The following CREB3L2 variants were observed in gnomAD, a reference collection of about 807,000 sequenced individuals.
CREB3L2 encodes the protein cyclic AMP-responsive element-binding protein 3-like protein 2.
In CREB3L2, 23 loss-of-function variants were observed where a neutral mutation model predicts 57.2. The ratio of observed to expected loss-of-function variants is 0.40; its 90% CI spans 0.29 to 0.57. The LOEUF (loss-of-function observed/expected upper bound fraction) is 0.57. Among genes scored for constraint, CREB3L2 ranks in the 20% least tolerant of loss-of-function variants. The pLI, the probability that CREB3L2 is intolerant of heterozygous loss-of-function variation, is 0.42. For synonymous variants in CREB3L2, 268 were observed against 265.1 expected (o/e 1.01, Z -0.11); for missense variants, 628 against 634.7 (o/e 0.99, Z 0.11).
chr7:137,992,314 C>T (rs1801913079), intron 1 of CREB3L2, among the ~76,000 whole-genome samples: 2 of 152,142 alleles, frequency 1.3e-5, no homozygotes, highest in Admixed American at 1.3e-4. Context: ...CTAGGCAAAA[C>T]ACAGCTTGCC....
intron 8 of CREB3L2, among the ~76,000 whole-genome samples, chr7:137,891,857 G>A (rs1799534170): frequency 2.0e-5 from 3 of 152,192 alleles, no homozygotes; most frequent in Admixed American, 2.0e-4. Flanking sequence ...GGGATTACAG[G>A]TGTGAGCCAC....
intron 1 of CREB3L2, among the ~76,000 whole-genome samples, chr7:137,958,508 A>AAAAG (rs200062587): frequency 8.5e-5 from 13 of 152,310 alleles, no homozygotes; most frequent in Admixed American, 5.2e-4. Context: ...TGTTCAAAAA[A>AAAAG]AAAGAAAGAA....
rs184108530 is a variant in CREB3L2 at position 137,910,219 on chromosome 7, T to A, written c.584-1783A>T. ...CAGCCAACCCTGGTCCCCCCGGCCC[T>A]GGCATGCTTTTTTTCTTCTCTCTCT... On this transcript the variant is annotated intron_variant, in intron 4 of 11. Coordinates refer to ENST00000330387, the MANE Select transcript of CREB3L2 (RefSeq NM_194071.4). Among the ~76,000 whole-genome samples the A allele has an allele frequency of 2.9e-3, 449 of 152,212 alleles. 1 individual carries two copies. The highest frequency in any genetic ancestry group is 0.01 in the African/African-American group (427 of 41,524).
chr7:137,913,943 C>G (rs1000864023), intron 3 of CREB3L2, among the ~76,000 whole-genome samples: 1 of 152,054 alleles, frequency 6.6e-6, no homozygotes, highest in African/African-American at 2.4e-5. Context: ...CCAGTTCAGC[C>G]TCACACCAGC....
chr7:137,971,890 CTCTG>C (rs923078200), intron 1 of CREB3L2, among the ~76,000 whole-genome samples: 3 of 151,288 alleles, frequency 2.0e-5, no homozygotes, highest in African/African-American at 4.9e-5. Flanking sequence ...AGATAGGCTG[CTCTG>C]TCTATGGAGT....
chr7:137,907,979 C>T (rs1799926192), intron 5 of CREB3L2, among the ~76,000 whole-genome samples: 1 of 152,160 alleles, frequency 6.6e-6, no homozygotes, highest in African/African-American at 2.4e-5. Context: ...TTTTATTCCT[C>T]ATGTCTATAG....
At chr7:137,983,045 CT>C (rs972744649) in intron 1 of CREB3L2, among the ~76,000 whole-genome samples, 1 of 152,144 alleles carries the variant, frequency 6.6e-6, no homozygotes, top group Non-Finnish European at 1.5e-5. Flanking sequence ...AAATAAATAC[CT>C]GTTGTTTAAG....
rs1049032085 is a variant in CREB3L2, at chr7:137,928,139, T to A, written c.319+11A>T. ...GCTAAGGTCCAGGTCTTCCTCCTCC[T>A]CTGAGTTTACCGTCATTGAAGCTGT... On this transcript the variant is annotated intron_variant, in intron 2 of 11. Transcript: ENST00000330387. 1 of 1,551,494 alleles carries A rather than the reference T, an allele frequency of 6.4e-7. No individual in the cohort carries two copies. The highest frequency in any genetic ancestry group is 1.4e-5 in the African/African-American group (1 of 71,770).
chr7:137,934,136 C>G (rs959992406), intron 1 of CREB3L2, among the ~76,000 whole-genome samples: 3 of 152,104 alleles, frequency 2.0e-5, no homozygotes, highest in Non-Finnish European at 4.4e-5. Flanking sequence ...ATTTCATAAC[C>G]TTTTTCTCAC....
At chr7:137,883,184 C>T (rs1038618653) in intron 10 of CREB3L2, among the ~76,000 whole-genome samples, 5 of 152,208 alleles carry the variant, frequency 3.3e-5, no homozygotes, top group Non-Finnish European at 5.9e-5. Context: ...AACTATGCTT[C>T]CAATTAAATT....
intron 1 of CREB3L2, among the ~76,000 whole-genome samples, chr7:137,991,102 A>G (rs1240093358): frequency 6.6e-6 from 1 of 152,190 alleles, no homozygotes; most frequent in Non-Finnish European, 1.5e-5. Flanking sequence ...CAAATGAAAT[A>G]CACAATCGAC....
At chr7:137,955,147 T>C (rs2117277107) in intron 1 of CREB3L2, 2 of 488,164 alleles carry the variant, frequency 4.1e-6, no homozygotes, top group Middle Eastern at 6.5e-4. Flanking sequence ...CTGACCTTTT[T>C]ATAAGTGGTT....
intron 2 of CREB3L2, among the ~76,000 whole-genome samples, chr7:137,922,419 T>C (rs370474101): frequency 0.62 from 62,224 of 101,026 alleles, 20,012 homozygotes; most frequent in East Asian, 0.85. Context: ...TATATATGTA[T>C]ATATATATAT....
chr7:137,885,092 G>T lies in CREB3L2; in HGVS notation c.1173C>A (p.Phe391Leu). The part of the protein sequence containing the change: ...MVVVLCFAVA[F>L]GSFFQGYGPY... ...GCCCGTAGCCTTGAAAGAAGCTGCC[G>T]AATGCAACGGCAAAGCACAGCACCA... Residue 391 changes from phenylalanine to leucine, a missense_variant, in exon 10 of 12, where the codon TTC becomes TTA. Coordinates refer to ENST00000330387, the MANE Select transcript of CREB3L2 (RefSeq NM_194071.4). 1 of 1,614,180 alleles carries T rather than the reference G, an allele frequency of 6.2e-7. No individual in the cohort carries two copies. The highest frequency in any genetic ancestry group is 8.5e-7 in the Non-Finnish European group (1 of 1,180,016).
chr7:137,903,289 A>T (rs920239044), intron 7 of CREB3L2, among the ~76,000 whole-genome samples: 4 of 151,876 alleles, frequency 2.6e-5, no homozygotes, highest in African/African-American at 9.7e-5. Flanking sequence ...ACCACCAGCC[A>T]CTCCTTTCCC....
At chr7:137,984,440 T>G (rs1192970740) in intron 1 of CREB3L2, among the ~76,000 whole-genome samples, 1 of 152,196 alleles carries the variant, frequency 6.6e-6, no homozygotes, top group African/African-American at 2.4e-5. Flanking sequence ...AGGCTGATGT[T>G]ACGCTGGAAG....
intron 1 of CREB3L2, among the ~76,000 whole-genome samples, chr7:137,932,344 A>C (rs1041558635): frequency 2.6e-5 from 4 of 152,196 alleles, no homozygotes; most frequent in African/African-American, 7.2e-5. Flanking sequence ...TTGTTTTCAG[A>C]ATGTGGTTTA....
chr7:137,953,628 C>A, intron 1 of CREB3L2: 1 of 804,984 alleles, frequency 1.2e-6, no homozygotes, highest in Non-Finnish European at 1.8e-6. Context: ...CCTTGTTTCA[C>A]TTGCATTGTG....
chr7:137,939,432 G>A (rs1800845848), intron 1 of CREB3L2, among the ~76,000 whole-genome samples: 1 of 152,186 alleles, frequency 6.6e-6, no homozygotes, highest in African/African-American at 2.4e-5. Flanking sequence ...ACTTGGGCCT[G>A]AGAGAAGGGC....
Sources: allele counts gnomAD v4.1 joint callset (sites outside exome capture counted in the v4.1 genomes callset), GRCh38; gene constraint gnomAD v4.1.1; transcripts MANE v1.5; gene names NCBI Gene and HGNC (gene_info 2026-07-23, HGNC 2026-07-21).